Variants in PPIC observed in about 807,000 individuals in gnomAD.
PPIC encodes the protein peptidyl-prolyl cis-trans isomerase C.
PPIC carries 19 observed loss-of-function variants against 19.5 expected under a neutral mutation model. The ratio of observed to expected loss-of-function variants is 0.98; its 90% confidence interval spans 0.68 to 1.43. PPIC has a LOEUF of 1.43. Ranked by LOEUF, PPIC falls within the 40% of genes most tolerant of loss-of-function variation. PPIC has a pLI of 0.00. For missense variants in PPIC, 268 were observed against 268.6 expected (o/e 1.00, Z 0.02); for synonymous variants, 107 against 101.2 (o/e 1.06, Z -0.34).
Position 123,025,869 on chromosome 5 carries a change from T to C in PPIC, c.425A>G (p.Asn142Ser), listed in dbSNP as rs766984428. The change falls in exon 4 of 5, where the codon AAT (asparagine) becomes AGT (serine). Residue 142 changes from asparagine (N) to serine (S), a missense_variant. Physicochemically the swap from Asn to Ser is conservative, Grantham distance 46 (BLOSUM62 1). Coordinates refer to ENST00000306442, the MANE Select transcript of PPIC (RefSeq NM_000943.5). ...CAAGGTGATAAAGAACTGAGAGCCA[T>C]TGGTGTCAGGCCCAGCGTTGGCCAT... ...VSMANAGPDTNGSQFFITLTK... is the reference protein window; with the variant it reads ...VSMANAGPDTSGSQFFITLTK... The C allele has an allele frequency of 7.4e-6, 12 of 1,614,102 alleles. No homozygotes were observed. The South Asian group carries it at 7.7e-5, about 10-fold the overall frequency.
chr5:123,031,391 G>A lies in PPIC; in HGVS notation c.118-1973C>T, dbSNP rs923299305. Among the ~76,000 whole-genome samples the A allele has an allele frequency of 2.6e-5, 4 of 152,208 alleles. No homozygotes were observed. The South Asian group carries it at 8.3e-4, about 32-fold the overall frequency. ...GCTAAGGAGGAAGGCTTGAAGGGAGGCAGGCCTGGGAGGAGGGGAGCCATC... is the reference window on the plus strand; with the variant it reads ...GCTAAGGAGGAAGGCTTGAAGGGAGACAGGCCTGGGAGGAGGGGAGCCATC... On this transcript the variant is annotated intron_variant, in intron 1 of 4. Coordinates refer to ENST00000306442, the MANE Select transcript of PPIC (RefSeq NM_000943.5).
chr5:123,032,523 C>T (rs542419297), intron 1 of PPIC, among the ~76,000 whole-genome samples: 1 of 152,254 alleles, frequency 6.6e-6, no homozygotes, highest in Admixed American at 6.5e-5. Context: ...CAAGGAGGAC[C>T]TGGGCACACA....
In PPIC at chr5:123,023,942, C is replaced by A. The variant is rs750798969; in HGVS notation, c.572G>T (p.Cys191Phe). 13 of 1,614,006 alleles carry A rather than the reference C, an allele frequency of 8.1e-6. No homozygotes were observed. Among genetic ancestry groups the A allele is most frequent in the Non-Finnish European group, 1.1e-5 (13 of 1,180,008 alleles). Reference sequence around the variant, plus strand: ...TATCTTGCCACTGTTGATGATCGAGCAGTTGGTGAGTGGACGGTCATGCCC... The same window carrying A: ...TATCTTGCCACTGTTGATGATCGAGAAGTTGGTGAGTGGACGGTCATGCCC... ...TDGHDRPLTN[C>F]SIINSGKIDV... The change falls in exon 5 of 5, where the codon TGC becomes TTC. Residue 191 changes from cysteine to phenylalanine, a missense_variant. Transcript: ENST00000306442.
In PPIC at chr5:123,025,829, C is replaced by T. The variant is rs775904353; in HGVS notation, c.465G>A (p.Trp155Ter). Residue 155 changes from tryptophan (W) to a stop codon, truncating the protein, a stop_gained, in exon 4 of 5, where the codon TGG (tryptophan) becomes TGA (stop). Coordinates refer to ENST00000306442, the MANE Select transcript of PPIC (RefSeq NM_000943.5). LOFTEE classifies it high-confidence loss of function. ...QFFITLTKPT[W>*]LDGKHVVFGK... ...CAAACACCACATGTTTGCCGTCCAA[C>T]CAGGTGGGCTTGGTCAAGGTGATAA... The T allele has an allele frequency of 3.1e-6, 5 of 1,613,992 alleles. No individual in the cohort carries two copies. The highest frequency in any genetic ancestry group is 1.3e-5 in the African/African-American group (1 of 75,028).
At chr5:123,028,456 C>T (rs1325765883) in intron 3 of PPIC, 1 of 229,986 alleles carries the variant, frequency 4.3e-6, no homozygotes, top group African/African-American at 2.3e-5. Flanking sequence ...TGTTCCACAC[C>T]TTTTCCTTCC....
chr5:123,025,747 TA>T (rs1199532543), intron 4 of PPIC, 36 bp downstream of exon 4: 2 of 1,580,314 alleles, frequency 1.3e-6, no homozygotes, highest in Admixed American at 3.6e-5. Flanking sequence ...TCAATAAAAA[TA>T]TAAAGCTTTG....
At position 123,036,057 on chromosome 5, in the gene PPIC, C is replaced by A. The variant is rs1054284688; in HGVS notation, c.117+452G>T. Among the ~76,000 whole-genome samples the A allele has an allele frequency of 6.6e-6, 1 of 152,154 alleles. No homozygotes were observed. Reference sequence around the variant, plus strand: ...CGCGGCCAGCGTGGAGACCACGCAGCGGGCGGGCGGCTGCAAGCCCTGGGC... The same window carrying A: ...CGCGGCCAGCGTGGAGACCACGCAGAGGGCGGGCGGCTGCAAGCCCTGGGC... On this transcript the variant is annotated intron_variant, in intron 1 of 4. Transcript: ENST00000306442. This position sits in a 1 kb window ranked among gnomAD's most constrained non-coding sequence, Gnocchi z 4.5.
chr5:123,026,096 C>T (rs1762849081), intron 3 of PPIC, 128 bp from the exon 4 acceptor site: 1 of 748,658 alleles, frequency 1.3e-6, no homozygotes, highest in Middle Eastern at 3.9e-4. Flanking sequence ...AAGACATGTT[C>T]AAACATAAGC....
chr5:123,036,353 G>T lies in PPIC; in HGVS notation c.117+156C>A. The stretch of plus-strand genomic sequence containing the variant: ...GGAGCGCCGGCCTCCCAGCACGCGA[G>T]CAGCCCCCTCCCACCCAGTCCCGCG... On this transcript the variant is annotated intron_variant, in intron 1 of 4. Coordinates refer to ENST00000306442, the MANE Select transcript of PPIC (RefSeq NM_000943.5). The surrounding 1 kb of genome is among the most constrained non-coding windows in gnomAD (Gnocchi z 4.5). The T allele has an allele frequency of 1.5e-6, 1 of 667,212 alleles. No individual in the cohort carries two copies. The highest frequency in any genetic ancestry group is 2.5e-6 in the Non-Finnish European group (1 of 392,946). The allele number at this position is 667,212 out of a possible 1,614,324, so 41.3% of individuals were successfully genotyped here. A position where few individuals can be genotyped will look rare whatever the true frequency, so the allele number is the denominator to read the frequency against.
rs772109908 is a variant in PPIC, at chr5:123,036,612, G to A, written c.14C>T (p.Pro5Leu). Reference sequence around the variant, plus strand: ...AAGCACGAGAGGTAGCAGCAGCCGAGGACCCGGGCCCATGGTGAGCGGTGG... The same window carrying A: ...AAGCACGAGAGGTAGCAGCAGCCGAAGACCCGGGCCCATGGTGAGCGGTGG... Reference protein sequence around the residue: MGPGPRLLLPLVLCV... With the variant: MGPGLRLLLPLVLCV... Residue 5 changes from proline to leucine, a missense_variant, in exon 1 of 5, where the codon CCT becomes CTT. By Grantham distance (98) the Pro-to-Leu change is moderately conservative. Coordinates refer to ENST00000306442, the MANE Select transcript of PPIC (RefSeq NM_000943.5). The surrounding 1 kb of genome is among the most constrained non-coding windows in gnomAD (Gnocchi z 4.5). 1 of 1,590,194 alleles carries A rather than the reference G, an allele frequency of 6.3e-7. No individual in the cohort carries two copies. Among genetic ancestry groups the A allele is most frequent in the Non-Finnish European group, 8.5e-7 (1 of 1,169,922 alleles).
In PPIC at chr5:123,036,577, G is replaced by T; in HGVS notation, c.49C>A (p.Leu17Ile). ...LLLPLVLCVG[L>I]GALVFSSGAE... is the part of the protein sequence containing the mutation. ...CCCGAAGAAAACACAAGTGCGCCGA[G>T]CCCCACGCAAAGCACGAGAGGTAGC... Residue 17 changes from leucine (L) to isoleucine (I), a missense_variant, in exon 1 of 5, where the codon CTC becomes ATC. Transcript: ENST00000306442. This position sits in a 1 kb window ranked among gnomAD's most constrained non-coding sequence, Gnocchi z 4.5. 1 of 1,600,236 alleles carries T rather than the reference G, an allele frequency of 6.2e-7. No individual in the cohort carries two copies. The highest frequency in any genetic ancestry group is 8.5e-7 in the Non-Finnish European group (1 of 1,174,848).
intron 1 of PPIC, 146 bp from the exon 2 acceptor site, chr5:123,029,564 G>A: frequency 3.6e-6 from 5 of 1,372,578 alleles, no homozygotes; most frequent in East Asian, 2.6e-5. Flanking sequence ...ATCAATTAAA[G>A]GTACTTTAAA....
intron 1 of PPIC, among the ~76,000 whole-genome samples, chr5:123,029,809 C>T (rs1762920206): frequency 1.3e-5 from 2 of 152,172 alleles, no homozygotes; most frequent in South Asian, 4.2e-4. Context: ...ATATTGCTCT[C>T]TTAGAAAGTA....
At chr5:123,026,117 G>T (rs1165381578) in intron 3 of PPIC, 149 bp from the exon 4 acceptor site, 2 of 681,138 alleles carry the variant, frequency 2.9e-6, no homozygotes, top group Non-Finnish European at 4.7e-6. Context: ...AGACATGAAG[G>T]AGGGAATAAA....
chr5:123,033,490 A>C (rs543757138), intron 1 of PPIC, among the ~76,000 whole-genome samples: 2 of 152,208 alleles, frequency 1.3e-5, no homozygotes, highest in East Asian at 3.9e-4. Flanking sequence ...CCTGCTCCCT[A>C]TCACCTTCCG....
At chr5:123,024,463 G>C (rs6862366) in intron 4 of PPIC, among the ~76,000 whole-genome samples, 35,192 of 152,078 alleles carry the variant, frequency 0.23, 5,206 homozygotes, top group Non-Finnish European at 0.34. Context: ...CTAGTTCTAG[G>C]TTTGTCCATT....
At chr5:123,035,556 T>C (rs982589438) in intron 1 of PPIC, among the ~76,000 whole-genome samples, 1 of 152,182 alleles carries the variant, frequency 6.6e-6, no homozygotes, top group African/African-American at 2.4e-5. Flanking sequence ...GTCGAGGATG[T>C]AAGCATTCTA....
chr5:123,031,207 T>C (rs1321446980), intron 1 of PPIC, among the ~76,000 whole-genome samples: 1 of 152,186 alleles, frequency 6.6e-6, no homozygotes, highest in Non-Finnish European at 1.5e-5. Context: ...CAAGGTTATG[T>C]AAAAGGCAAT....
chr5:123,025,756 T>G (rs1013749991), intron 4 of PPIC, 28 bp downstream of exon 4: 2 of 1,601,132 alleles, frequency 1.2e-6, no homozygotes, highest in Non-Finnish European at 1.7e-6. Context: ...ATATAAAGCT[T>G]TGAAAGGAAA....
Sources: allele counts gnomAD v4.1 joint callset (sites outside exome capture counted in the v4.1 genomes callset), GRCh38; gene constraint gnomAD v4.1.1; non-coding constraint Gnocchi (gnomAD v3.1); transcripts MANE v1.5; gene names NCBI Gene and HGNC (gene_info 2026-07-23, HGNC 2026-07-21).